Variants in APPL1 observed in about 807,000 individuals in gnomAD.
APPL1 encodes the protein DCC-interacting protein 13-alpha.
In APPL1, 42 loss-of-function variants were observed where a neutral mutation model predicts 106.8. The observed-to-expected ratio is 0.39, with a 90% CI of 0.31 to 0.51. The LOEUF is 0.51. Among genes scored for constraint, APPL1 ranks in the 20% least tolerant of loss-of-function variants. The probability of loss-of-function intolerance (pLI) is 0.75; values close to 1 mark genes in which losing one functional copy is unlikely to be tolerated. For missense variants in APPL1, 769 were observed against 858.2 expected (o/e 0.90, Z 1.30); for synonymous variants, 263 against 281.8 (o/e 0.93, Z 0.67).
chr3:57,243,066 C>G, intron 7 of APPL1, 152 bp downstream of exon 7: 1 of 607,940 alleles, frequency 1.6e-6, no homozygotes, highest in Non-Finnish European at 2.8e-6. Flanking sequence ...CAAAACCTTT[C>G]TGATAATCAT....
At chr3:57,234,398 C>T (rs1016787639) in intron 1 of APPL1, among the ~76,000 whole-genome samples, 1 of 147,708 alleles carries the variant, frequency 6.8e-6, no homozygotes, top group African/African-American at 2.5e-5. Context: ...CCCAGGTTCA[C>T]GCCATTCTCC....
Position 57,230,779 on chromosome 3 carries a change from G to GTT in APPL1, c.54+2851_54+2852dup, listed in dbSNP as rs571053927. ...TTTTAAAGCTCATGGTAAGTTTTTTGTTTTTTTTTTGAGACAGAGTCTCAC... is the reference window on the plus strand; with the variant it reads ...TTTTAAAGCTCATGGTAAGTTTTTTGTTTTTTTTTTTTGAGACAGAGTCTCAC... On this transcript the variant is annotated intron_variant, in intron 1 of 21. Transcript: ENST00000288266. The GTT allele has an allele frequency of 1.9e-3, 774 of 405,654 alleles. 6 individuals carry two copies. Among genetic ancestry groups the GTT allele is most frequent in the African/African-American group, 0.015 (688 of 46,450 alleles). 25.1% of individuals were successfully genotyped at this position (405,654 alleles called of 1,614,324 possible).
intron 9 of APPL1, 120 bp downstream of exon 9, chr3:57,247,597 G>T: frequency 3.1e-6 from 2 of 653,690 alleles, no homozygotes; most frequent in Non-Finnish European, 5.0e-6. Context: ...TGCCATGAGA[G>T]TTTCTTATGT....
chr3:57,253,738 G>T lies in APPL1; in HGVS notation c.1152G>T (p.Glu384Asp). ...SKQIYLSENP[E>D]ETAARVNQSA... ...AAATATACTTAAGTGAAAATCCAGA[G>T]GTAATATTTTTATTTTATGTTACCC... The change falls in exon 13 of 22, where the codon GAG becomes GAT. Residue 384 changes from glutamate to aspartate, a missense_variant and splice_region_variant. Glu to Asp is a conservative substitution (Grantham distance 45). Coordinates refer to ENST00000288266, the MANE Select transcript of APPL1 (RefSeq NM_012096.3). The T allele has an allele frequency of 7.0e-7, 1 of 1,423,860 alleles. No individual in the cohort carries two copies. The highest frequency in any genetic ancestry group is 9.3e-7 in the Non-Finnish European group (1 of 1,078,164). 88.2% of individuals were successfully genotyped at this position (1,423,860 alleles called of 1,614,324 possible). A position where few individuals can be genotyped will look rare whatever the true frequency, so the allele number is the denominator to read the frequency against.
chr3:57,254,229 A>G (rs750753367), intron 13 of APPL1, among the ~76,000 whole-genome samples: 2 of 152,222 alleles, frequency 1.3e-5, no homozygotes, highest in Non-Finnish European at 2.9e-5. Flanking sequence ...AATTATTTCA[A>G]AAGATACTCA....
chr3:57,242,971 G>A, intron 7 of APPL1, 57 bp downstream of exon 7: 1 of 1,305,230 alleles, frequency 7.7e-7, no homozygotes, highest in South Asian at 1.2e-5. Context: ...AGGTGGTTTA[G>A]TTTTTCCTCT....
rs1237699945 is a variant in APPL1, at chr3:57,260,142, A to G, written c.1684A>G (p.Thr562Ala). Residue 562 changes from threonine to alanine, a missense_variant, in exon 18 of 22, where the codon ACA becomes GCA. By Grantham distance (58) the Thr-to-Ala change is moderately conservative. Coordinates refer to ENST00000288266, the MANE Select transcript of APPL1 (RefSeq NM_012096.3). ...GTTAATTGATCCACAGACACAAGTT[A>G]CAAGGCTCACGGTGAGTTCCACATG... ...LKLIDPQTQVTRLTFPLPCVV... is the reference protein window; with the variant it reads ...LKLIDPQTQVARLTFPLPCVV... The G allele has an allele frequency of 6.2e-7, 1 of 1,605,842 alleles. No individual in the cohort carries two copies. The highest frequency in any genetic ancestry group is 1.3e-5 in the African/African-American group (1 of 74,322).
intron 8 of APPL1, among the ~76,000 whole-genome samples, chr3:57,246,625 C>T (rs531517372): frequency 1.2e-3 from 187 of 152,212 alleles, no homozygotes; most frequent in South Asian, 2.3e-3. Flanking sequence ...TGAACTCCAA[C>T]GTGCCCAAAG....
intron 1 of APPL1, 75 bp from the exon 2 acceptor site, chr3:57,235,491 T>C (rs2060711548): frequency 2.1e-6 from 2 of 939,714 alleles, no homozygotes; most frequent in South Asian, 4.0e-5. Context: ...CGATTTTTGC[T>C]TCCTTTAGAA....
At chr3:57,257,618 G>T (rs557959143) in intron 15 of APPL1, among the ~76,000 whole-genome samples, 190 bp downstream of exon 15, 1 of 152,240 alleles carries the variant, frequency 6.6e-6, no homozygotes, top group Non-Finnish European at 1.5e-5. Flanking sequence ...CCTCAGTTAA[G>T]GAGTTAAGAT....
intron 11 of APPL1, 71 bp from the exon 12 acceptor site, chr3:57,252,198 A>G: frequency 7.6e-7 from 1 of 1,307,906 alleles, no homozygotes; most frequent in African/African-American, 1.5e-5. Context: ...TTAAAGATTA[A>G]AAAGTTACCT....
chr3:57,241,292 G>A (rs868328084), intron 5 of APPL1, among the ~76,000 whole-genome samples: 8 of 152,276 alleles, frequency 5.3e-5, no homozygotes, highest in African/African-American at 1.9e-4. Flanking sequence ...ATGGGCCGAA[G>A]TGGCAAGAGG....
chr3:57,256,885 T>G (rs2060839437), intron 13 of APPL1, 72 bp from the exon 14 acceptor site: 1 of 1,179,950 alleles, frequency 8.5e-7, no homozygotes. Flanking sequence ...TTCTAACAAT[T>G]CAGAGTTACA....
chr3:57,266,319 G>A (rs1339416983), intron 19 of APPL1, among the ~76,000 whole-genome samples: 1 of 152,158 alleles, frequency 6.6e-6, no homozygotes, highest in African/African-American at 2.4e-5. Flanking sequence ...AAAGCCATCA[G>A]GTACTGGGCT....
Position 57,253,668 on chromosome 3 carries a change from T to C in APPL1, c.1096-14T>C. On this transcript the variant is annotated splice_polypyrimidine_tract_variant and intron_variant, in intron 12 of 21. Transcript: ENST00000288266. ...AGAAAAAAAATTATATTTTTCTATTTTTTCCTCTTGCAGTGGATCTGTACA... is the reference window on the plus strand; with the variant it reads ...AGAAAAAAAATTATATTTTTCTATTCTTTCCTCTTGCAGTGGATCTGTACA... The C allele has an allele frequency of 7.1e-7, 1 of 1,417,680 alleles. No individual in the cohort carries two copies. The highest frequency in any genetic ancestry group is 9.3e-7 in the Non-Finnish European group (1 of 1,078,664). The allele number at this position is 1,417,680 out of a possible 1,614,324, so 87.8% of individuals were successfully genotyped here.
chr3:57,259,927 T>A lies in APPL1; in HGVS notation c.1566T>A (p.Tyr522Ter). ...CAGATGACCATCCAGATGTTGTTTA[T>A]GAAACTATGCGCCAAATCTTAGCTG... ...VKSDDHPDVV[Y>*]ETMRQILAAR... Residue 522 changes from tyrosine to a stop codon, truncating the protein, a stop_gained, in exon 17 of 22, where the codon TAT becomes TAA. Coordinates refer to ENST00000288266, the MANE Select transcript of APPL1 (RefSeq NM_012096.3). LOFTEE classifies it high-confidence loss of function. 1 of 1,613,868 alleles carries A rather than the reference T, an allele frequency of 6.2e-7. No individual in the cohort carries two copies. Among genetic ancestry groups the A allele is most frequent in the Non-Finnish European group, 8.5e-7 (1 of 1,179,986 alleles).
intron 19 of APPL1, among the ~76,000 whole-genome samples, chr3:57,266,617 G>T (rs1020204426): frequency 2.0e-5 from 3 of 152,222 alleles, no homozygotes; most frequent in East Asian, 1.9e-4. Flanking sequence ...TCTTTTCAAA[G>T]AAACCAACTT....
At chr3:57,257,523 A>T in intron 15 of APPL1, 95 bp downstream of exon 15, 1 of 1,099,420 alleles carries the variant, frequency 9.1e-7, no homozygotes, top group Non-Finnish European at 1.3e-6. Flanking sequence ...TATAATGTAT[A>T]TCAGCTATGT....
chr3:57,267,046 T>C (rs1484888253), intron 19 of APPL1, among the ~76,000 whole-genome samples: 1 of 152,214 alleles, frequency 6.6e-6, no homozygotes. Flanking sequence ...AGCTTTGTTC[T>C]TTTTGTTTAA....
Sources: gnomAD v4.1 joint callset for allele counts (sites outside exome capture counted in the v4.1 genomes callset) on GRCh38, gnomAD v4.1.1 for gene constraint, MANE v1.5 for transcripts, NCBI Gene and HGNC (gene_info 2026-07-23, HGNC 2026-07-21) for gene names.